The following CHODL variants were observed in gnomAD, a reference collection of about 807,000 sequenced individuals.
The protein encoded by CHODL is transmembrane protein MT75.
Under a neutral mutation model 34.5 loss-of-function variants are expected in CHODL, and 29 were observed. The ratio of observed to expected loss-of-function variants is 0.84; its 90% CI spans 0.63 to 1.15. CHODL has a LOEUF of 1.15. Among genes scored for constraint, CHODL ranks in the 50% most tolerant of loss-of-function variants. The pLI, the probability that CHODL is intolerant of heterozygous loss-of-function variation, is 0.00. For missense variants in CHODL, 332 were observed against 332.5 expected (o/e 1.00, Z 0.01); for synonymous variants, 125 against 116.1 (o/e 1.08, Z -0.49).
chr21:17,931,130 G>A (rs1424619181), intron 1 of CHODL, among the ~76,000 whole-genome samples: 3 of 152,158 alleles, frequency 2.0e-5, no homozygotes, highest in Non-Finnish European at 4.4e-5. Context: ...AGCTCCCTCA[G>A]TCACTCCCGT....
chr21:17,970,128 T>A (rs925014418), intron 1 of CHODL, among the ~76,000 whole-genome samples: 1 of 152,150 alleles, frequency 6.6e-6, no homozygotes, highest in African/African-American at 2.4e-5. Flanking sequence ...GTTGAATAAG[T>A]GCATCTATTC....
chr21:18,050,690 CACTT>C (rs1384589984), intron 2 of CHODL, among the ~76,000 whole-genome samples: 2 of 151,838 alleles, frequency 1.3e-5, no homozygotes, highest in African/African-American at 4.8e-5. Flanking sequence ...GGAGGGGACA[CACTT>C]ACGTAAGGAT....
At chr21:17,985,553 A>G (rs1252808243) in intron 1 of CHODL, among the ~76,000 whole-genome samples, 2 of 152,204 alleles carry the variant, frequency 1.3e-5, no homozygotes, top group African/African-American at 2.4e-5. Flanking sequence ...CTACTTTTCA[A>G]TTAGTTCCTG....
At chr21:18,126,595 ATT>A (rs112117170) in intron 2 of CHODL, among the ~76,000 whole-genome samples, 153 of 141,236 alleles carry the variant, frequency 1.1e-3, no homozygotes, top group Non-Finnish European at 1.8e-3. Flanking sequence ...ATATCTTTTC[ATT>A]TTTTTTTTTT....
At chr21:18,254,693 A>T (rs906897967) in intron 1 of CHODL, among the ~76,000 whole-genome samples, 1 of 151,550 alleles carries the variant, frequency 6.6e-6, no homozygotes, top group Non-Finnish European at 1.5e-5. Flanking sequence ...CTTGACATCA[A>T]TCTATTTATA....
intron 1 of CHODL, among the ~76,000 whole-genome samples, chr21:18,247,439 A>G (rs908536063): frequency 6.6e-6 from 1 of 152,152 alleles, no homozygotes; most frequent in African/African-American, 2.4e-5. Flanking sequence ...TTCTCCACAT[A>G]AATTATATTT....
intron 2 of CHODL, among the ~76,000 whole-genome samples, chr21:18,029,599 A>C (rs977426350): frequency 1.3e-5 from 2 of 152,126 alleles, no homozygotes; most frequent in African/African-American, 4.8e-5. Flanking sequence ...AATTTAGCTA[A>C]GTCTCTATCT....
intron 1 of CHODL, among the ~76,000 whole-genome samples, chr21:17,972,379 A>G (rs2049019154): frequency 6.6e-6 from 1 of 152,218 alleles, no homozygotes; most frequent in African/African-American, 2.4e-5. Flanking sequence ...ACATGATTGT[A>G]TATTTAGAAA....
In CHODL at chr21:17,953,988, G is replaced by A. The variant is rs185665807; in HGVS notation, c.-145+36588G>A. 4.5e-3 allele frequency among the ~76,000 whole-genome samples: 680 copies of A among 152,108 alleles called. 6 individuals carry two copies. Among genetic ancestry groups the A allele is most frequent in the African/African-American group, 0.016 (649 of 41,518 alleles). The stretch of plus-strand genomic sequence containing the variant: ...TGTGCCACTGCACTCCAGCCTGGGC[G>A]ACAGAGCGAGACTCTGTCTCAAAAA... On this transcript the variant is annotated intron_variant, in intron 1 of 6. Transcript: ENST00000400127.
intron 4 of CHODL, among the ~76,000 whole-genome samples, chr21:18,260,954 CAG>C (rs893744927): frequency 6.6e-5 from 10 of 152,092 alleles, no homozygotes; most frequent in Admixed American, 3.3e-4. Context: ...GGAGAGCAAA[CAG>C]GGGTGGGCTG....
chr21:18,245,678 G>A (rs1312287287), intron 1 of CHODL, among the ~76,000 whole-genome samples: 2 of 152,096 alleles, frequency 1.3e-5, no homozygotes, highest in Non-Finnish European at 2.9e-5. Context: ...AGAGACAGAA[G>A]AGCCACCGCA....
At chr21:17,933,378 G>T (rs1333300455) in intron 1 of CHODL, among the ~76,000 whole-genome samples, 2 of 152,218 alleles carry the variant, frequency 1.3e-5, no homozygotes, top group Non-Finnish European at 2.9e-5. Context: ...CTAGGCAGAG[G>T]TCCCTGCGGC....
chr21:17,986,931 G>A (rs930315490), intron 1 of CHODL, among the ~76,000 whole-genome samples: 4 of 152,170 alleles, frequency 2.6e-5, no homozygotes, highest in Non-Finnish European at 4.4e-5. Context: ...GTGCCTGGAA[G>A]AGTAGACCAT....
chr21:18,120,082 T>C (rs766081900), intron 2 of CHODL, among the ~76,000 whole-genome samples: 2 of 152,200 alleles, frequency 1.3e-5, no homozygotes, highest in Non-Finnish European at 2.9e-5. Context: ...CAGTAGCTCT[T>C]GATTAGTCCC....
intron 1 of CHODL, among the ~76,000 whole-genome samples, chr21:17,938,810 A>G (rs548915416): frequency 1.3e-5 from 2 of 152,076 alleles, no homozygotes; most frequent in South Asian, 4.2e-4. Flanking sequence ...TAAAGGTCCA[A>G]GCTCTTCTGC....
In CHODL at chr21:17,924,885, C is replaced by G. The variant is rs543877401; in HGVS notation, c.-145+7485C>G. On this transcript the variant is annotated intron_variant, in intron 1 of 6. Transcript: ENST00000400127. The stretch of plus-strand genomic sequence containing the variant: ...CCACAGAGCTTGTCCTTATCTGGCT[C>G]TGTTAAAAAAATGCTACATAAGAAG... Among the ~76,000 whole-genome samples, 17 of 152,268 alleles carry G rather than the reference C, an allele frequency of 1.1e-4. No individual in the cohort carries two copies. The South Asian group carries it at 3.1e-3, about 28-fold the overall frequency.
chr21:18,210,577 C>T (rs772842606), intron 2 of CHODL, among the ~76,000 whole-genome samples: 1 of 152,150 alleles, frequency 6.6e-6, no homozygotes, highest in African/African-American at 2.4e-5. Flanking sequence ...TCTGCCTGCT[C>T]AGGTTAAAAA....
At position 17,937,337 on chromosome 21, in the gene CHODL, C is replaced by A. The variant is rs74921506; in HGVS notation, c.-145+19937C>A. ...TTACAGGATTGCCAAACACAGAGGG[C>A]CCGTTTGAAGTTAGACTGTATGAAT... is the stretch of plus-strand genomic sequence containing the variant. On this transcript the variant is annotated intron_variant, in intron 1 of 6. Coordinates refer to the CHODL transcript ENST00000400127. Among the ~76,000 whole-genome samples the A allele has an allele frequency of 2.8e-3, 421 of 152,138 alleles. 3 individuals are homozygous for A. The highest frequency in any genetic ancestry group is 9.4e-3 in the African/African-American group (391 of 41,492).
chr21:18,080,960 A>G (rs1215671654), intron 2 of CHODL, among the ~76,000 whole-genome samples: 3 of 152,124 alleles, frequency 2.0e-5, no homozygotes, highest in South Asian at 2.1e-4. Flanking sequence ...TATCCTTGCA[A>G]TCTATGAGCA....
Sources: allele counts gnomAD v4.1 joint callset (sites outside exome capture counted in the v4.1 genomes callset), GRCh38; gene constraint gnomAD v4.1.1; transcripts MANE v1.5; gene names NCBI Gene and HGNC (gene_info 2026-07-23, HGNC 2026-07-21).